HRH1: variants seen among roughly 807,000 people sequenced by gnomAD.
HRH1 encodes the protein histamine H1 receptor.
HRH1 carries 6 observed loss-of-function variants against 10.3 expected under a neutral mutation model. The observed-to-expected ratio is 0.58, with a 90% CI of 0.32 to 1.15. The LOEUF is 1.15. HRH1 is among the 50% of genes most tolerant of loss of function. The pLI is 0.05. For synonymous variants in HRH1, 242 were observed against 236.7 expected (o/e 1.02, Z -0.21); for missense variants, 514 against 615.3 (o/e 0.84, Z 1.74).
At chr3:11,198,221 C>T (rs757775536) in intron 1 of HRH1, among the ~76,000 whole-genome samples, 31 of 152,092 alleles carry the variant, frequency 2.0e-4, no homozygotes, top group Non-Finnish European at 4.0e-4. Context: ...CCTTGCCCGC[C>T]GAGGAGTTCA....
At chr3:11,193,264 CAG>C (rs1487075545) in intron 1 of HRH1, among the ~76,000 whole-genome samples, 1 of 152,200 alleles carries the variant, frequency 6.6e-6, no homozygotes. Flanking sequence ...TAATTGCAAA[CAG>C]AACTTTTAAA....
intron 1 of HRH1, among the ~76,000 whole-genome samples, chr3:11,215,687 C>T (rs531547804): frequency 1.3e-5 from 2 of 152,284 alleles, no homozygotes; most frequent in East Asian, 1.9e-4. Flanking sequence ...GTGATCCGCC[C>T]GCCTCGGCCT....
At chr3:11,207,436 G>A (rs1359148811) in intron 1 of HRH1, among the ~76,000 whole-genome samples, 1 of 152,102 alleles carries the variant, frequency 6.6e-6, no homozygotes, top group East Asian at 1.9e-4. Flanking sequence ...CGGGTGTGGT[G>A]GCGGCGCCTG....
chr3:11,139,383 A>G (rs1352181049), intron 1 of HRH1, among the ~76,000 whole-genome samples: 4 of 149,144 alleles, frequency 2.7e-5, no homozygotes, highest in Non-Finnish European at 6.0e-5. Flanking sequence ...GGGTTCAAGC[A>G]ATTCTCCTGC....
At chr3:11,155,213 T>C (rs992025591) in intron 1 of HRH1, among the ~76,000 whole-genome samples, 37 of 152,272 alleles carry the variant, frequency 2.4e-4, no homozygotes, top group African/African-American at 8.9e-4. Flanking sequence ...GCAGTTCGGC[T>C]GCAGCTGGGG....
intron 1 of HRH1, among the ~76,000 whole-genome samples, chr3:11,225,246 T>G (rs111315673): frequency 0.038 from 5,841 of 152,354 alleles, 166 homozygotes; most frequent in South Asian, 0.071. Flanking sequence ...TTCCTTCAAG[T>G]CTGGATGCCT....
intron 1 of HRH1, 40 bp from the exon 2 acceptor site, chr3:11,258,963 C>T (rs906868930): frequency 5.4e-6 from 8 of 1,470,234 alleles, no homozygotes; most frequent in Non-Finnish European, 6.4e-6. Context: ...CCACTCATCA[C>T]CCAAGTCTCT....
chr3:11,230,333 G>A (rs1939006533), intron 1 of HRH1, among the ~76,000 whole-genome samples: 1 of 152,212 alleles, frequency 6.6e-6, no homozygotes, highest in Admixed American at 6.5e-5. Flanking sequence ...AGGAGCAAGA[G>A]GCAGCTTGCT....
At chr3:11,214,430 A>T (rs934177249) in intron 1 of HRH1, among the ~76,000 whole-genome samples, 1 of 152,232 alleles carries the variant, frequency 6.6e-6, no homozygotes, top group Admixed American at 6.5e-5. Flanking sequence ...GGGATATCAC[A>T]TCCAAAAGAA....
chr3:11,163,821 G>A (rs1010381188), intron 1 of HRH1, among the ~76,000 whole-genome samples: 3 of 151,998 alleles, frequency 2.0e-5, no homozygotes, highest in African/African-American at 7.2e-5. Context: ...GGACTCAGAG[G>A]TATTCTCTTC....
intron 1 of HRH1, among the ~76,000 whole-genome samples, chr3:11,241,431 G>C (rs981085724): frequency 2.0e-5 from 3 of 147,914 alleles, no homozygotes; most frequent in African/African-American, 7.3e-5. Flanking sequence ...GGAACTTGGA[G>C]AACTTTTCTG....
intron 1 of HRH1, among the ~76,000 whole-genome samples, chr3:11,175,509 T>C (rs540329589): frequency 1.3e-5 from 2 of 152,274 alleles, no homozygotes; most frequent in African/African-American, 4.8e-5. Context: ...TTCAGCACCC[T>C]GAAATGCAGT....
At chr3:11,152,816 G>A (rs1408297595), upstream of HRH1, among the ~76,000 whole-genome samples, 1 of 152,012 alleles carries the variant, frequency 6.6e-6, no homozygotes, top group Non-Finnish European at 1.5e-5. Context: ...GAGGGCTTTC[G>A]TGGATCCAGG....
intron 1 of HRH1, chr3:11,234,333 C>A: frequency 1.3e-6 from 2 of 1,588,144 alleles, no homozygotes; most frequent in Non-Finnish European, 1.7e-6. Flanking sequence ...GGCTTCTTCT[C>A]TCTTTCCTCT....
chr3:11,181,424 A>G (rs1191537753), intron 1 of HRH1, among the ~76,000 whole-genome samples: 1 of 152,190 alleles, frequency 6.6e-6, no homozygotes, highest in African/African-American at 2.4e-5. Flanking sequence ...TCCCACCAGC[A>G]AGGTGTGAAG....
chr3:11,230,408 G>A (rs528381023), intron 1 of HRH1, among the ~76,000 whole-genome samples: 3 of 152,146 alleles, frequency 2.0e-5, no homozygotes, highest in Non-Finnish European at 4.4e-5. Flanking sequence ...CAGAGTCATC[G>A]GCACCAGTCC....
chr3:11,230,313 A>C (rs997639346), intron 1 of HRH1, among the ~76,000 whole-genome samples: 10 of 152,328 alleles, frequency 6.6e-5, no homozygotes, highest in South Asian at 4.1e-4. Flanking sequence ...GCTCATACAC[A>C]GAAGAATCAA....
intron 1 of HRH1, among the ~76,000 whole-genome samples, chr3:11,208,854 G>C (rs530075936): frequency 6.6e-6 from 1 of 152,254 alleles, no homozygotes; most frequent in Admixed American, 6.5e-5. Flanking sequence ...ACATCTTTTT[G>C]TACCCTGTGG....
At chr3:11,218,644 C>T (rs1938595158) in intron 1 of HRH1, among the ~76,000 whole-genome samples, 1 of 151,954 alleles carries the variant, frequency 6.6e-6, no homozygotes, top group Non-Finnish European at 1.5e-5. Flanking sequence ...GGCATGATCT[C>T]GGCTCACTGC....
Sources: gnomAD v4.1 joint callset for allele counts (sites outside exome capture counted in the v4.1 genomes callset) on GRCh38, gnomAD v4.1.1 for gene constraint, MANE v1.5 for transcripts, NCBI Gene and HGNC (gene_info 2026-07-23, HGNC 2026-07-21) for gene names.